IMPG2: variants seen among roughly 807,000 people sequenced by gnomAD.
IMPG2 encodes the protein IPM 200.
A neutral mutation model predicts 129.2 loss-of-function variants in IMPG2; 91 were observed. That is an observed-to-expected ratio of 0.70 (90% CI 0.59 to 0.84). IMPG2 has a LOEUF of 0.84. Ranked by LOEUF, IMPG2 falls within the 40% of genes least tolerant of loss-of-function variation. The pLI is 0.00. For synonymous variants in IMPG2, 510 were observed against 517.7 expected (o/e 0.99, Z 0.20); for missense variants, 1,430 against 1,461.7 (o/e 0.98, Z 0.35).
chr3:101,251,236 A>T (rs750052120), intron 11 of IMPG2, among the ~76,000 whole-genome samples: 13 of 152,236 alleles, frequency 8.5e-5, no homozygotes, highest in Non-Finnish European at 1.8e-4. Flanking sequence ...ATTTCAGTAT[A>T]TCTGTAAACA....
At chr3:101,230,705 A>T (rs1014099012) in intron 16 of IMPG2, among the ~76,000 whole-genome samples, 5 of 152,058 alleles carry the variant, frequency 3.3e-5, no homozygotes, top group African/African-American at 1.2e-4. Context: ...CATCATTAAA[A>T]CTTTTAAGAC....
intron 2 of IMPG2, among the ~76,000 whole-genome samples, chr3:101,314,915 T>C (rs919314624): frequency 6.6e-6 from 1 of 152,120 alleles, no homozygotes; most frequent in Non-Finnish European, 1.5e-5. Context: ...GCCAGCATGA[T>C]ACCACAAGTA....
In IMPG2 at chr3:101,222,793, C is replaced by T. The variant is rs1423923857; in HGVS notation, c.*4176G>A. Reference sequence around the variant, plus strand: ...CATACTCGATATTAAACATATATTACTGTATGTACACTATTGCTTAAGTAT... The same window carrying T: ...CATACTCGATATTAAACATATATTATTGTATGTACACTATTGCTTAAGTAT... On this transcript the variant is annotated 3_prime_UTR_variant, in exon 19 of 19. Transcript: ENST00000193391. 2 of 152,188 alleles carry T rather than the reference C, an allele frequency of 1.3e-5. No individual in the cohort carries two copies. Among genetic ancestry groups the T allele is most frequent in the African/African-American group, 2.4e-5 (1 of 41,446 alleles). The allele number at this position is 152,188 out of a possible 1,614,324, so 9.4% of individuals were successfully genotyped here. A position where few individuals can be genotyped will look rare whatever the true frequency, so the allele number is the denominator to read the frequency against.
intron 2 of IMPG2, among the ~76,000 whole-genome samples, chr3:101,310,585 A>C (rs1297626631): frequency 8.7e-6 from 1 of 114,724 alleles, no homozygotes; most frequent in Non-Finnish European, 2.0e-5. Flanking sequence ...AAAAAAAAAA[A>C]AAAAGATGGT....
intron 14 of IMPG2, among the ~76,000 whole-genome samples, chr3:101,241,755 C>T (rs1043412226): frequency 2.6e-5 from 4 of 152,024 alleles, no homozygotes; most frequent in African/African-American, 7.2e-5. Context: ...TGGCCAGGTG[C>T]GGTGGCTCAC....
intron 2 of IMPG2, among the ~76,000 whole-genome samples, chr3:101,306,031 C>T (rs1707185609): frequency 6.6e-6 from 1 of 152,148 alleles, no homozygotes; most frequent in African/African-American, 2.4e-5. Context: ...GAGGTGGAGC[C>T]TCTGGACTCC....
In IMPG2 at chr3:101,255,918, T is replaced by C. The variant is rs79585841; in HGVS notation, c.1153+1611A>G. ...ATTCACTGAAGAGAGCATTTCTCCA[T>C]CTTAAAGTCCTATGTAATTCATATA... is the stretch of plus-strand genomic sequence containing the variant. On this transcript the variant is annotated intron_variant, in intron 10 of 18. Transcript: ENST00000193391. Among the ~76,000 whole-genome samples the C allele has an allele frequency of 9.6e-3, 1,464 of 151,760 alleles. 91 individuals carry two copies. In the East Asian group the frequency reaches 0.18, roughly 18 times the overall value.
intron 2 of IMPG2, among the ~76,000 whole-genome samples, chr3:101,315,360 G>T (rs1347410198): frequency 1.3e-5 from 2 of 152,066 alleles, no homozygotes; most frequent in East Asian, 3.8e-4. Context: ...GAAAATTATT[G>T]TTTTTTTGTA....
At chr3:101,280,142 C>T (rs561580683) in intron 4 of IMPG2, among the ~76,000 whole-genome samples, 3 of 152,308 alleles carry the variant, frequency 2.0e-5, no homozygotes, top group Admixed American at 6.5e-5. Context: ...CTCCTCATTT[C>T]ATCCAGCACA....
chr3:101,242,035 GAA>G (rs1207523516), intron 14 of IMPG2, among the ~76,000 whole-genome samples: 1,630 of 130,082 alleles, frequency 0.013, 34 homozygotes, highest in African/African-American at 0.043. Context: ...ATCTCAAAAA[GAA>G]AAAAAAAAAA....
chr3:101,256,212 AG>A (rs1559646468), intron 10 of IMPG2, among the ~76,000 whole-genome samples: 13 of 144,682 alleles, frequency 9.0e-5, no homozygotes, highest in African/African-American at 3.1e-4. Flanking sequence ...AAAGAAAGAA[AG>A]AAAGAAAAAA....
In IMPG2 at chr3:101,304,148, T is replaced by A; in HGVS notation, c.499A>T (p.Lys167Ter). Residue 167 changes from lysine (K) to a stop codon, truncating the protein, a stop_gained and splice_region_variant, in exon 3 of 19, where the codon AAG becomes TAG. Coordinates refer to ENST00000193391, the MANE Select transcript of IMPG2 (RefSeq NM_016247.4). LOFTEE classifies it high-confidence loss of function. ...ESVEHRSLIM[K>*]KLTYAKETVS... is the part of the protein sequence containing the mutation. Reference sequence around the variant, plus strand: ...CCTTCCTTTGTTGTGACACTTACCTTCATGATTAAGCTTCTATGTTCCACA... The same window carrying A: ...CCTTCCTTTGTTGTGACACTTACCTACATGATTAAGCTTCTATGTTCCACA... 6.2e-7 allele frequency: 1 copy of A among 1,613,770 alleles called. No homozygotes were observed. The highest frequency in any genetic ancestry group is 8.5e-7 in the Non-Finnish European group (1 of 1,179,670).
chr3:101,244,425 C>T lies in IMPG2; in HGVS notation c.1906G>A (p.Asp636Asn), dbSNP rs898999014. The change falls in exon 13 of 19, where the codon GAT (aspartate) becomes AAT (asparagine). Residue 636 changes from aspartate to asparagine, a missense_variant. Transcript: ENST00000193391. ...EPLSKPWLED[D>N]DSLLPAEIED... ...ATCTCAGCTGGCAAAAGTGAATCAT[C>T]ATCTTCAAGCCACGGCTTGGACAGT... is the stretch of plus-strand genomic sequence containing the variant. 1.2e-6 allele frequency: 2 copies of T among 1,614,196 alleles called. No individual in the cohort carries two copies. The highest frequency in any genetic ancestry group is 1.7e-5 in the Admixed American group (1 of 60,016).
chr3:101,229,318 C>CCGG, intron 17 of IMPG2, 62 bp downstream of exon 17: 21 of 1,136,258 alleles, frequency 1.8e-5, no homozygotes, highest in East Asian at 8.1e-5. Flanking sequence ...CCACCACCCC[C>CCGG]TGCTCCCCCA....
Position 101,257,583 on chromosome 3 carries a change from A to G in IMPG2, c.1099T>C (p.Leu367=), listed in dbSNP as rs757256771. ...GGATTCAAGGAAGAGTTCCCCAGCA[A>G]AAAATTCTGCTGCAATGTCTCAGCA... ...YIAETLQQNF[L]LGNSSLNPDP... The change falls in exon 10 of 19, where the codon TTG becomes CTG. Residue 367 remains leucine, a synonymous_variant. Coordinates refer to ENST00000193391, the MANE Select transcript of IMPG2 (RefSeq NM_016247.4). 6.2e-6 allele frequency: 10 copies of G among 1,613,394 alleles called. No homozygotes were observed. Among genetic ancestry groups the G allele is most frequent in the Admixed American group, 1.7e-5 (1 of 59,890 alleles).
rs1054491765 is a variant in IMPG2 at position 101,224,971 on chromosome 3, A to G, written c.*1998T>C. The G allele has an allele frequency of 6.6e-6, 1 of 152,234 alleles. No individual in the cohort carries two copies. The highest frequency in any genetic ancestry group is 1.5e-5 in the Non-Finnish European group (1 of 68,034). 9.4% of individuals were successfully genotyped at this position (152,234 alleles called of 1,614,324 possible). On this transcript the variant is annotated 3_prime_UTR_variant, in exon 19 of 19. Transcript: ENST00000193391. ...TTCGTGCTTCTCCTAAGTGTTCTGC[A>G]TGGTGACCTGCCCTAGAGGGATTTG...
In IMPG2 at chr3:101,304,158, G is replaced by A. The variant is rs1295214994; in HGVS notation, c.489C>T (p.Ser163=). The change falls in exon 3 of 19, where the codon AGC becomes AGT. Residue 163 remains serine, a synonymous_variant. Transcript: ENST00000193391. ...TNFSESVEHR[S]LIMKKLTYAK... ...TTGTGACACTTACCTTCATGATTAAGCTTCTATGTTCCACAGATTCACTAA... is the reference window on the plus strand; with the variant it reads ...TTGTGACACTTACCTTCATGATTAAACTTCTATGTTCCACAGATTCACTAA... 2 of 1,613,686 alleles carry A rather than the reference G, an allele frequency of 1.2e-6. No homozygotes were observed. Among genetic ancestry groups the A allele is most frequent in the Admixed American group, 1.7e-5 (1 of 60,000 alleles).
intron 14 of IMPG2, 56 bp downstream of exon 14, chr3:101,242,632 C>T: frequency 7.7e-7 from 1 of 1,305,920 alleles, no homozygotes; most frequent in Non-Finnish European, 1.1e-6. Context: ...GAAGAAAACA[C>T]ACAAGAATAA....
chr3:101,226,983 T>A lies in IMPG2; in HGVS notation c.3714-2A>T. ...AGGAGTTTTGGTTAAACCTCTTCCC[T>A]GCCATGAAAACACAAAGAGCAATTC... On this transcript the variant is annotated splice_acceptor_variant, in intron 18 of 18. Coordinates refer to ENST00000193391, the MANE Select transcript of IMPG2 (RefSeq NM_016247.4). LOFTEE classifies it high-confidence loss of function. 8 of 1,613,658 alleles carry A rather than the reference T, an allele frequency of 5.0e-6. No individual in the cohort carries two copies. The highest frequency in any genetic ancestry group is 6.8e-6 in the Non-Finnish European group (8 of 1,179,776).
Sources: gnomAD v4.1 joint callset for allele counts (sites outside exome capture counted in the v4.1 genomes callset) on GRCh38, gnomAD v4.1.1 for gene constraint, MANE v1.5 for transcripts, NCBI Gene and HGNC (gene_info 2026-07-23, HGNC 2026-07-21) for gene names.